Variants in NPAS3 observed in about 807,000 individuals in gnomAD.
NPAS3 encodes neuronal PAS domain protein 3.
Under a neutral mutation model 73.1 loss-of-function variants are expected in NPAS3, and 14 were observed. That is an observed-to-expected ratio of 0.19 (90% confidence interval 0.13 to 0.30). NPAS3 has a LOEUF of 0.30. Among genes scored for constraint, NPAS3 ranks in the 10% least tolerant of loss-of-function variants. NPAS3 has a pLI of 1.00. For synonymous variants in NPAS3, 620 were observed against 541.5 expected (o/e 1.14, Z -2.01); for missense variants, 1,096 against 1,250.0 (o/e 0.88, Z 1.86).
chr14:33,592,462 C>CT (rs1366058981), intron 5 of NPAS3, among the ~76,000 whole-genome samples: 1 of 152,054 alleles, frequency 6.6e-6, no homozygotes, highest in East Asian at 1.9e-4. Context: ...TGACTCAGTG[C>CT]TTTGGGAGTT....
chr14:33,206,698 G>T (rs753058103), intron 2 of NPAS3, among the ~76,000 whole-genome samples: 2 of 152,058 alleles, frequency 1.3e-5, no homozygotes, highest in African/African-American at 2.4e-5. Context: ...TTTATATTAG[G>T]TTCCATGATG....
intron 6 of NPAS3, among the ~76,000 whole-genome samples, chr14:33,709,033 A>G (rs1347301529): frequency 6.6e-6 from 1 of 152,234 alleles, no homozygotes; most frequent in African/African-American, 2.4e-5. Flanking sequence ...CTGATTGAAA[A>G]TAGATCGGAA....
At chr14:33,240,174 T>C (rs1411453842) in intron 3 of NPAS3, among the ~76,000 whole-genome samples, 1 of 151,878 alleles carries the variant, frequency 6.6e-6, no homozygotes, top group Non-Finnish European at 1.5e-5. Flanking sequence ...TTTTGCAATA[T>C]ATAAGATTTC....
intron 2 of NPAS3, among the ~76,000 whole-genome samples, chr14:33,095,980 C>T (rs1192236761): frequency 1.3e-5 from 2 of 150,828 alleles, no homozygotes; most frequent in Admixed American, 6.6e-5. Flanking sequence ...CGCGCCTGGC[C>T]GGTCATTCTC....
intron 5 of NPAS3, among the ~76,000 whole-genome samples, chr14:33,663,342 G>A (rs2059363290): frequency 6.6e-6 from 1 of 152,050 alleles, no homozygotes; most frequent in Non-Finnish European, 1.5e-5. Flanking sequence ...TTTTGTCATT[G>A]GTTCTGTTTA....
intron 2 of NPAS3, among the ~76,000 whole-genome samples, chr14:33,159,388 C>CA (rs2044766526): frequency 1.3e-5 from 2 of 152,068 alleles, no homozygotes; most frequent in African/African-American, 4.8e-5. Flanking sequence ...AATGAACCTA[C>CA]AACCCCCAAG....
chr14:33,189,415 C>T (rs1389128916), intron 2 of NPAS3, among the ~76,000 whole-genome samples: 1 of 152,146 alleles, frequency 6.6e-6, no homozygotes, highest in African/African-American at 2.4e-5. Flanking sequence ...GCATGTTTCA[C>T]CTTGATTGGG....
intron 1 of NPAS3, among the ~76,000 whole-genome samples, chr14:33,007,462 C>T (rs183146096): frequency 6.6e-6 from 1 of 152,250 alleles, no homozygotes; most frequent in African/African-American, 2.4e-5. Flanking sequence ...AAAGGGAAAT[C>T]TCTAATTTAA....
chr14:33,078,000 G>A (rs905207365), intron 2 of NPAS3, among the ~76,000 whole-genome samples: 1 of 151,752 alleles, frequency 6.6e-6, no homozygotes, highest in Non-Finnish European at 1.5e-5. Context: ...TTAGTTGGGC[G>A]TGGTGGCGCA....
chr14:33,680,753 A>T, intron 6 of NPAS3: 1 of 661,196 alleles, frequency 1.5e-6, no homozygotes, highest in Non-Finnish European at 2.7e-6. Flanking sequence ...GGGGAAAATC[A>T]ATACTGTACC....
chr14:33,419,061 A>G (rs1380138493), intron 4 of NPAS3, among the ~76,000 whole-genome samples: 2 of 151,972 alleles, frequency 1.3e-5, no homozygotes, highest in East Asian at 1.9e-4. Flanking sequence ...TTAAACTGAT[A>G]CTGTAAGGCA....
At chr14:32,935,928 A>C (rs1049958406), upstream of NPAS3, among the ~76,000 whole-genome samples, 2 of 152,238 alleles carry the variant, frequency 1.3e-5, no homozygotes, top group Non-Finnish European at 2.9e-5. Flanking sequence ...TGGTTTTATA[A>C]AAGATGGAAG....
chr14:33,574,587 G>A (rs761573521), intron 5 of NPAS3, among the ~76,000 whole-genome samples: 23 of 152,018 alleles, frequency 1.5e-4, no homozygotes, highest in Non-Finnish European at 2.6e-4. Flanking sequence ...TGAGGTGGAT[G>A]GAGGGACCAA....
chr14:33,140,209 T>A (rs970848731), intron 2 of NPAS3, among the ~76,000 whole-genome samples: 2 of 152,138 alleles, frequency 1.3e-5, no homozygotes, highest in East Asian at 3.8e-4. Flanking sequence ...GTGTGGCATA[T>A]CTTGACATAA....
intron 1 of NPAS3, among the ~76,000 whole-genome samples, chr14:33,028,764 GA>G (rs2039891909): frequency 6.6e-6 from 1 of 152,098 alleles, no homozygotes; most frequent in African/African-American, 2.4e-5. Flanking sequence ...AGGAGATGAT[GA>G]GGGAGACTTT....
intron 1 of NPAS3, among the ~76,000 whole-genome samples, chr14:32,967,466 G>T (rs2037222749): frequency 6.6e-6 from 1 of 151,948 alleles, no homozygotes; most frequent in African/African-American, 2.4e-5. Flanking sequence ...ATTGTTCAAG[G>T]TTCAACTGTA....
intron 2 of NPAS3, among the ~76,000 whole-genome samples, chr14:33,125,479 G>A (rs1157081862): frequency 1.3e-5 from 2 of 152,044 alleles, no homozygotes; most frequent in African/African-American, 2.4e-5. Context: ...TAAGGATATA[G>A]AGGCAACAGT....
intron 2 of NPAS3, among the ~76,000 whole-genome samples, chr14:33,125,446 T>TC (rs1222553092): frequency 2.0e-5 from 3 of 151,974 alleles, no homozygotes; most frequent in African/African-American, 4.8e-5. Flanking sequence ...GATTTTTTTT[T>TC]CCTGACAATT....
chr14:33,397,912 G>A (rs1014406536), intron 4 of NPAS3, among the ~76,000 whole-genome samples: 3 of 152,056 alleles, frequency 2.0e-5, no homozygotes, highest in African/African-American at 7.2e-5. Context: ...AGACACATAG[G>A]TCCTCTGGTT....
Sources: gnomAD v4.1 joint callset for allele counts (sites outside exome capture counted in the v4.1 genomes callset) on GRCh38, gnomAD v4.1.1 for gene constraint, MANE v1.5 for transcripts, NCBI Gene and HGNC (gene_info 2026-07-23, HGNC 2026-07-21) for gene names.